The following ASTN2 variants were observed in gnomAD, a reference collection of about 807,000 sequenced individuals.
ASTN2 encodes astrotactin-2.
In ASTN2, 54 loss-of-function variants were observed where a neutral mutation model predicts 139.8. The observed-to-expected ratio is 0.39, with a 90% confidence interval of 0.31 to 0.48. The LOEUF is 0.48. Ranked by LOEUF, ASTN2 falls within the 20% of genes least tolerant of loss-of-function variation. The pLI is 0.95. For synonymous variants in ASTN2, 756 were observed against 719.5 expected, an observed-to-expected ratio of 1.05 and a Z score of -0.81; for missense variants, 1,565 against 1,725.1, an observed-to-expected ratio of 0.91 and a Z score of 1.64.
At chr9:117,253,543 C>T (rs1833598103) in intron 2 of ASTN2, among the ~76,000 whole-genome samples, 1 of 152,150 alleles carries the variant, frequency 6.6e-6, no homozygotes, top group Non-Finnish European at 1.5e-5. Context: ...GGAGGGACAT[C>T]CATTTAGTGA....
intron 7 of ASTN2, among the ~76,000 whole-genome samples, chr9:116,984,511 G>C (rs1836620586): frequency 6.6e-6 from 1 of 152,166 alleles, no homozygotes; most frequent in Non-Finnish European, 1.5e-5. Context: ...CCAACGTTCA[G>C]ACCCTTTGAA....
intron 16 of ASTN2, among the ~76,000 whole-genome samples, chr9:116,705,387 G>A (rs1827964807): frequency 6.6e-6 from 1 of 152,168 alleles, no homozygotes; most frequent in South Asian, 2.1e-4. Context: ...AACCGCAAAG[G>A]AAAATTATTT....
chr9:117,121,674 C>G (rs953987395), intron 4 of ASTN2, among the ~76,000 whole-genome samples: 3 of 152,180 alleles, frequency 2.0e-5, no homozygotes, highest in African/African-American at 7.2e-5. Flanking sequence ...TCTCACTCTG[C>G]TATAAAGAAA....
chr9:117,024,451 C>T (rs1837994857), intron 6 of ASTN2, among the ~76,000 whole-genome samples: 1 of 151,834 alleles, frequency 6.6e-6, no homozygotes, highest in Middle Eastern at 3.2e-3. Context: ...GAATAGGGAA[C>T]AGATCTAAAT....
intron 1 of ASTN2, among the ~76,000 whole-genome samples, chr9:117,355,498 G>A (rs761036646): frequency 2.0e-5 from 3 of 152,158 alleles, no homozygotes; most frequent in East Asian, 1.9e-4. Flanking sequence ...GACATGGCTC[G>A]CCACATGTAA....
At chr9:116,604,877 G>A (rs1377128844) in intron 19 of ASTN2, among the ~76,000 whole-genome samples, 1 of 152,198 alleles carries the variant, frequency 6.6e-6, no homozygotes, top group Non-Finnish European at 1.5e-5. Context: ...AACAGGGACA[G>A]AGAAAGAACA....
intron 1 of ASTN2, among the ~76,000 whole-genome samples, chr9:117,384,838 T>C (rs920687716): frequency 2.0e-5 from 3 of 152,080 alleles, no homozygotes; most frequent in African/African-American, 7.2e-5. Context: ...TGAATGGATG[T>C]TGGATGAAGG....
In ASTN2 at chr9:116,620,346, T is replaced by A; in HGVS notation, c.3170A>T (p.Asn1057Ile). Residue 1057 changes from asparagine (N) to isoleucine (I), a missense_variant, in exon 18 of 23, where the codon AAT (asparagine) becomes ATT (isoleucine). Asn to Ile is a moderately radical substitution (Grantham distance 149). Around this residue, in one of 4 missense-constraint regions of ASTN2, gnomAD observed 418 missense variants for 465.8 expected, o/e 0.90. Coordinates refer to ENST00000313400, the MANE Select transcript of ASTN2 (RefSeq NM_001365068.1). ...CRCDLSAFDANGLPNCSPLLQ... is the reference protein window; with the variant it reads ...CRCDLSAFDAIGLPNCSPLLQ... ...AAGGGGGCTGCAGTTGGGGAGCCCA[T>A]TGGCATCAAAGGCGCTGAGGTCACA... The A allele has an allele frequency of 6.2e-7, 1 of 1,614,092 alleles. No homozygotes were observed. The highest frequency in any genetic ancestry group is 8.5e-7 in the Non-Finnish European group (1 of 1,180,006).
rs1838269277 is a variant in ASTN2 at position 117,032,289 on chromosome 9, A to G, written c.1423+7530T>C. Among the ~76,000 whole-genome samples, 3 of 152,170 alleles carry G rather than the reference A, an allele frequency of 2.0e-5. No individual in the cohort carries two copies. In the South Asian group the frequency reaches 6.2e-4, roughly 32 times the overall value. ...GAGAGGAATGTACAAGCAAAGGTAT[A>G]TAGAGAGGCAGATACCAGGTAGGAC... is the stretch of plus-strand genomic sequence containing the variant. On this transcript the variant is annotated intron_variant, in intron 6 of 22. Coordinates refer to ENST00000313400, the MANE Select transcript of ASTN2 (RefSeq NM_001365068.1).
At chr9:116,948,798 T>G (rs375624649) in intron 10 of ASTN2, among the ~76,000 whole-genome samples, 93 of 95,654 alleles carry the variant, frequency 9.7e-4, no homozygotes, top group South Asian at 2.4e-3. Flanking sequence ...TTTTTTTTTT[T>G]TTTTTTTTTT....
At chr9:117,086,963 T>A (rs1428757174) in intron 5 of ASTN2, among the ~76,000 whole-genome samples, 1 of 152,166 alleles carries the variant, frequency 6.6e-6, no homozygotes, top group Non-Finnish European at 1.5e-5. Flanking sequence ...ACTTAGAGGC[T>A]GATAGAATAC....
At chr9:116,439,194 ATTTTTTTTTT>A (rs1016270368) in intron 22 of ASTN2, among the ~76,000 whole-genome samples, 1 of 56,692 alleles carries the variant, frequency 1.8e-5, no homozygotes, top group Admixed American at 3.0e-4. Context: ...ATTCAAATAC[ATTTTTTTTTT>A]TTTTTTTTTT....
chr9:117,241,914 C>A (rs925582962), intron 2 of ASTN2, among the ~76,000 whole-genome samples: 1 of 148,036 alleles, frequency 6.8e-6, no homozygotes, highest in Non-Finnish European at 1.5e-5. Flanking sequence ...CTGAGTAGAA[C>A]GTGCAAGTTA....
intron 20 of ASTN2, among the ~76,000 whole-genome samples, chr9:116,475,177 T>C (rs2119028123): frequency 6.6e-6 from 1 of 152,340 alleles, no homozygotes; most frequent in African/African-American, 2.4e-5. Context: ...AGGTTTCACA[T>C]AAACATCTAG....
chr9:117,330,926 C>T (rs2130848540), intron 1 of ASTN2, among the ~76,000 whole-genome samples: 1 of 152,270 alleles, frequency 6.6e-6, no homozygotes, highest in African/African-American at 2.4e-5. Flanking sequence ...CTAGGATAGG[C>T]CTGTTGGCTC....
chr9:116,632,856 A>G (rs1032430945), intron 17 of ASTN2, among the ~76,000 whole-genome samples: 7 of 152,218 alleles, frequency 4.6e-5, no homozygotes, highest in African/African-American at 1.7e-4. Flanking sequence ...ATTGTTATCT[A>G]TATGTCTGTC....
chr9:116,579,407 T>C (rs988385841), intron 19 of ASTN2, among the ~76,000 whole-genome samples: 4 of 152,200 alleles, frequency 2.6e-5, no homozygotes, highest in African/African-American at 9.7e-5. Context: ...ACCGATGTTA[T>C]GAGAAGGTAA....
At chr9:117,116,275 A>G (rs2132800537) in intron 4 of ASTN2, among the ~76,000 whole-genome samples, 1 of 152,316 alleles carries the variant, frequency 6.6e-6, no homozygotes, top group South Asian at 2.1e-4. Flanking sequence ...ATGATCACAC[A>G]CAAGTGAAAC....
intron 13 of ASTN2, among the ~76,000 whole-genome samples, chr9:116,773,151 A>G (rs1254702582): frequency 6.9e-6 from 1 of 145,578 alleles, no homozygotes; most frequent in African/African-American, 2.5e-5. Flanking sequence ...TTTATCCTTG[A>G]TATTTTTCTT....
Sources: gnomAD v4.1 joint callset for allele counts (sites outside exome capture counted in the v4.1 genomes callset) on GRCh38, gnomAD v4.1.1 for gene constraint, gnomAD v4.1.1 regional missense constraint, MANE v1.5 for transcripts, NCBI Gene and HGNC (gene_info 2026-07-23, HGNC 2026-07-21) for gene names.